The following SLC25A21 variants were observed in gnomAD, a reference collection of about 807,000 sequenced individuals.
SLC25A21 encodes solute carrier family 25 member 21.
SLC25A21 carries 47 observed loss-of-function variants against 43.8 expected under a neutral mutation model. The observed-to-expected ratio is 1.07, with a 90% confidence interval of 0.85 to 1.37. SLC25A21 has a LOEUF of 1.37. Among genes scored for constraint, SLC25A21 ranks in the 40% most tolerant of loss-of-function variants. The pLI is 0.00. For missense variants in SLC25A21, 352 were observed against 350.2 expected, an observed-to-expected ratio of 1.00 and a Z score of -0.04; for synonymous variants, 131 against 121.3, an observed-to-expected ratio of 1.08 and a Z score of -0.52.
chr14:36,948,892 T>C (rs1003283818), intron 1 of SLC25A21, among the ~76,000 whole-genome samples: 1 of 152,216 alleles, frequency 6.6e-6, no homozygotes, highest in Non-Finnish European at 1.5e-5. Context: ...TTCTCTAATG[T>C]GGCTATTCAA....
chr14:36,997,833 AC>A (rs939987673), intron 1 of SLC25A21, among the ~76,000 whole-genome samples: 18 of 151,252 alleles, frequency 1.2e-4, no homozygotes, highest in South Asian at 1.1e-3. Flanking sequence ...AAAAAAAAAA[AC>A]AACTCTATTA....
At chr14:36,708,800 G>T (rs1463603302) in intron 7 of SLC25A21, among the ~76,000 whole-genome samples, 1 of 133,742 alleles carries the variant, frequency 7.5e-6, no homozygotes, top group East Asian at 2.1e-4. Flanking sequence ...CCCCAGGCCT[G>T]TCTCAACTCT....
At chr14:37,081,282 T>C (rs1399506880) in intron 1 of SLC25A21, among the ~76,000 whole-genome samples, 1 of 152,252 alleles carries the variant, frequency 6.6e-6, no homozygotes, top group Non-Finnish European at 1.5e-5. Flanking sequence ...CCCCTAATGT[T>C]AGATGTAATA....
At chr14:36,785,675 T>C (rs1269704150) in intron 3 of SLC25A21, among the ~76,000 whole-genome samples, 2 of 152,196 alleles carry the variant, frequency 1.3e-5, no homozygotes, top group African/African-American at 4.8e-5. Context: ...TTGGTTGTCT[T>C]TGCATGCTTA....
chr14:37,069,445 G>A (rs1028974039), intron 1 of SLC25A21, among the ~76,000 whole-genome samples: 9 of 152,104 alleles, frequency 5.9e-5, no homozygotes, highest in African/African-American at 1.9e-4. Flanking sequence ...GAACATATGC[G>A]TAGACATCCT....
At chr14:36,836,975 C>T (rs1214969157) in intron 2 of SLC25A21, among the ~76,000 whole-genome samples, 1 of 152,014 alleles carries the variant, frequency 6.6e-6, no homozygotes, top group African/African-American at 2.4e-5. Flanking sequence ...ACCGGATACA[C>T]CCTCTTTAAA....
intron 2 of SLC25A21, chr14:36,870,573 T>A (rs1890341483): frequency 6.6e-6 from 1 of 152,210 alleles, no homozygotes; most frequent in Non-Finnish European, 1.5e-5. Flanking sequence ...GGGCACACTC[T>A]ATTCCACATG....
chr14:36,693,219 A>G (rs1882868401), intron 7 of SLC25A21, among the ~76,000 whole-genome samples: 1 of 152,260 alleles, frequency 6.6e-6, no homozygotes, highest in South Asian at 2.1e-4. Flanking sequence ...TTCCCATTTT[A>G]TCCTGCTGAA....
chr14:36,903,953 G>A (rs1284070061), intron 1 of SLC25A21, among the ~76,000 whole-genome samples: 1 of 152,072 alleles, frequency 6.6e-6, no homozygotes, highest in East Asian at 1.9e-4. Context: ...TTTGTTCTTA[G>A]AAAGTTCTTT....
intron 1 of SLC25A21, among the ~76,000 whole-genome samples, chr14:36,938,552 A>AT (rs1404605787): frequency 1.3e-5 from 2 of 152,040 alleles, no homozygotes; most frequent in Admixed American, 6.6e-5. Flanking sequence ...GCAGAATCAA[A>AT]TACACTTTCT....
intron 1 of SLC25A21, among the ~76,000 whole-genome samples, chr14:36,898,556 G>A (rs896559645): frequency 3.3e-5 from 5 of 152,212 alleles, no homozygotes; most frequent in East Asian, 1.9e-4. Flanking sequence ...CCCACTTTCC[G>A]ACACTCCCCA....
chr14:36,891,872 C>A (rs185652724), intron 1 of SLC25A21, among the ~76,000 whole-genome samples: 1 of 152,238 alleles, frequency 6.6e-6, no homozygotes, highest in East Asian at 1.9e-4. Flanking sequence ...GTGGAGCAAC[C>A]AGTGGCAGGA....
At position 37,125,478 on chromosome 14, in the gene SLC25A21, T is replaced by C. The variant is rs139257743; in HGVS notation, c.70+46803A>G. 8.4e-3 allele frequency among the ~76,000 whole-genome samples: 1,286 copies of C among 152,304 alleles called. 11 individuals carry two copies. Among genetic ancestry groups the C allele is most frequent in the Admixed American group, 0.013 (200 of 15,294 alleles). ...TAGATGATCTCCAAGTCCCTTCTAA[T>C]GCTAGATTTTATTATTTGGGATTCA... is the stretch of plus-strand genomic sequence containing the variant. On this transcript the variant is annotated intron_variant, in intron 1 of 9. Coordinates refer to ENST00000331299, the MANE Select transcript of SLC25A21 (RefSeq NM_030631.4).
intron 1 of SLC25A21, among the ~76,000 whole-genome samples, chr14:36,909,089 C>T (rs1021338682): frequency 6.6e-6 from 1 of 151,828 alleles, no homozygotes; most frequent in African/African-American, 2.4e-5. Context: ...GAGAAGGATG[C>T]ATTGGAAGAA....
intron 1 of SLC25A21, among the ~76,000 whole-genome samples, chr14:37,075,884 G>C (rs1334490610): frequency 6.6e-6 from 1 of 152,166 alleles, no homozygotes; most frequent in Admixed American, 6.5e-5. Context: ...CTTACGCCCT[G>C]AAAATATCCT....
At chr14:36,824,954 G>T (rs1021305029) in intron 2 of SLC25A21, among the ~76,000 whole-genome samples, 3 of 152,008 alleles carry the variant, frequency 2.0e-5, no homozygotes, top group African/African-American at 7.3e-5. Context: ...AGAAGAGATG[G>T]ACATCTTTGT....
chr14:37,149,618 C>T (rs1202889628), intron 1 of SLC25A21, among the ~76,000 whole-genome samples: 11 of 152,032 alleles, frequency 7.2e-5, no homozygotes, highest in African/African-American at 2.7e-4. Flanking sequence ...TCGCTTAAAC[C>T]GGGAGGCAGA....
chr14:36,836,850 T>C (rs1011735643), intron 2 of SLC25A21, among the ~76,000 whole-genome samples: 1 of 151,970 alleles, frequency 6.6e-6, no homozygotes, highest in Non-Finnish European at 1.5e-5. Context: ...ATGCAGGAGA[T>C]GAATATATTT....
At chr14:36,936,497 T>A (rs760725815) in intron 1 of SLC25A21, among the ~76,000 whole-genome samples, 4 of 152,208 alleles carry the variant, frequency 2.6e-5, no homozygotes, top group Non-Finnish European at 5.9e-5. Flanking sequence ...CCATGTTTGG[T>A]AACTAATGTG....
Sources: allele counts gnomAD v4.1 joint callset (sites outside exome capture counted in the v4.1 genomes callset), GRCh38; gene constraint gnomAD v4.1.1; transcripts MANE v1.5; gene names NCBI Gene and HGNC (gene_info 2026-07-23, HGNC 2026-07-21).